SNTG1: variants seen among roughly 807,000 people sequenced by gnomAD.
The protein encoded by SNTG1 is gamma-1-syntrophin.
In SNTG1, 39 loss-of-function variants were observed where a neutral mutation model predicts 74.7. The ratio of observed to expected loss-of-function variants is 0.52; its 90% CI spans 0.40 to 0.68. SNTG1 has a LOEUF of 0.68. Ranked by LOEUF, SNTG1 falls within the 30% of genes least tolerant of loss-of-function variation. SNTG1 has a pLI of 0.00. For missense variants in SNTG1, 685 were observed against 609.5 expected, an observed-to-expected ratio of 1.12 and a Z score of -1.30; for synonymous variants, 254 against 217.1, an observed-to-expected ratio of 1.17 and a Z score of -1.49.
At chr8:50,493,103 G>A (rs565984315) in intron 8 of SNTG1, among the ~76,000 whole-genome samples, 12 of 152,170 alleles carry the variant, frequency 7.9e-5, no homozygotes, top group Non-Finnish European at 1.3e-4. Context: ...GGGAAAATTG[G>A]CTAGCCATAT....
At chr8:50,354,588 A>T (rs975961062) in intron 2 of SNTG1, among the ~76,000 whole-genome samples, 1 of 152,152 alleles carries the variant, frequency 6.6e-6, no homozygotes, top group Admixed American at 6.6e-5. Flanking sequence ...CTCTTCTGTT[A>T]TATTAGTTTT....
At chr8:50,415,451 C>T (rs2093002106) in intron 4 of SNTG1, among the ~76,000 whole-genome samples, 1 of 152,016 alleles carries the variant, frequency 6.6e-6, no homozygotes, top group African/African-American at 2.4e-5. Flanking sequence ...TAAATGTTTA[C>T]TTATACCTAT....
At chr8:50,550,001 T>C (rs910403520) in intron 11 of SNTG1, among the ~76,000 whole-genome samples, 3 of 152,216 alleles carry the variant, frequency 2.0e-5, no homozygotes, top group African/African-American at 7.2e-5. Flanking sequence ...AAATCCTTAT[T>C]AAATCTGTAA....
At chr8:50,618,711 A>T (rs1454146353) in intron 13 of SNTG1, among the ~76,000 whole-genome samples, 1 of 152,154 alleles carries the variant, frequency 6.6e-6, no homozygotes, top group Non-Finnish European at 1.5e-5. Context: ...TAGCTGTATG[A>T]CTGATGGCCC....
rs58030144 is a variant in SNTG1, at chr8:50,395,506, G to GGTTTTT, written c.27+1241_27+1242insGTTTTT. On this transcript the variant is annotated intron_variant, in intron 3 of 18. Coordinates refer to ENST00000642720, the MANE Select transcript of SNTG1 (RefSeq NM_018967.5). Reference sequence around the variant, plus strand: ...TTTAAATTTTAATTGTCTAATTTCTGTTTTTTTTTTTTTTTTTAATGGAGT... The same window carrying GGTTTTT: ...TTTAAATTTTAATTGTCTAATTTCTGGTTTTTTTTTTTTTTTTTTTTTTAATGGAGT... 2.7e-3 allele frequency among the ~76,000 whole-genome samples: 360 copies of GGTTTTT among 135,630 alleles called. 16 individuals are homozygous for GGTTTTT. The highest frequency in any genetic ancestry group is 2.9e-3 in the Admixed American group (39 of 13,238). 89.0% of individuals were successfully genotyped at this position (135,630 alleles called of 152,430 possible). A position where few individuals can be genotyped will look rare whatever the true frequency, so the allele number is the denominator to read the frequency against.
At chr8:50,481,094 C>A (rs1442801906) in intron 8 of SNTG1, among the ~76,000 whole-genome samples, 2 of 152,148 alleles carry the variant, frequency 1.3e-5, no homozygotes, top group Non-Finnish European at 2.9e-5. Flanking sequence ...GATAAACATA[C>A]AGCACAGGCT....
chr8:50,529,878 G>A (rs1032855207), intron 9 of SNTG1, among the ~76,000 whole-genome samples: 15 of 141,644 alleles, frequency 1.1e-4, no homozygotes, highest in African/African-American at 3.5e-4. Flanking sequence ...CTAAGAGCAG[G>A]CCACTTTAGA....
chr8:50,012,097 G>C (rs949553309), intron 1 of SNTG1, among the ~76,000 whole-genome samples: 1 of 151,706 alleles, frequency 6.6e-6, no homozygotes, highest in Non-Finnish European at 1.5e-5. Flanking sequence ...AAGTTGGCAA[G>C]AGATGAGTAA....
At chr8:50,654,795 T>C (rs1188347956) in intron 13 of SNTG1, among the ~76,000 whole-genome samples, 1 of 152,198 alleles carries the variant, frequency 6.6e-6, no homozygotes, top group East Asian at 1.9e-4. Flanking sequence ...ATCATCTCAA[T>C]GGCTTAAATC....
intron 4 of SNTG1, among the ~76,000 whole-genome samples, chr8:50,412,710 G>A (rs945537269): frequency 1.3e-5 from 2 of 152,158 alleles, no homozygotes; most frequent in African/African-American, 4.8e-5. Flanking sequence ...CGGGATATAT[G>A]TAATTTTGCA....
At chr8:50,602,622 T>C (rs1171475831) in intron 13 of SNTG1, among the ~76,000 whole-genome samples, 1 of 152,212 alleles carries the variant, frequency 6.6e-6, no homozygotes, top group Non-Finnish European at 1.5e-5. Flanking sequence ...GGTGATTTTT[T>C]CTTGTTCATT....
chr8:50,280,757 G>A (rs2088394614), intron 2 of SNTG1, among the ~76,000 whole-genome samples: 1 of 152,094 alleles, frequency 6.6e-6, no homozygotes, highest in Admixed American at 6.6e-5. Context: ...ATAAATTGTA[G>A]ATGAAGTCTC....
At chr8:50,623,397 A>AT (rs1404766163) in intron 13 of SNTG1, among the ~76,000 whole-genome samples, 4 of 152,152 alleles carry the variant, frequency 2.6e-5, no homozygotes, top group Admixed American at 2.0e-4. Flanking sequence ...AGGGTGTTGA[A>AT]TTTTTCAAAT....
intron 1 of SNTG1, among the ~76,000 whole-genome samples, chr8:49,944,620 C>T (rs1159616996): frequency 1.3e-5 from 2 of 148,792 alleles, no homozygotes; most frequent in Non-Finnish European, 3.0e-5. Context: ...GGAGATATAC[C>T]TAATGCTAAA....
intron 18 of SNTG1, among the ~76,000 whole-genome samples, chr8:50,752,386 C>T (rs2095569771): frequency 6.6e-6 from 1 of 151,924 alleles, no homozygotes. Context: ...AAATAACATC[C>T]TGGGAACTAA....
chr8:50,363,001 C>A (rs1365110078), intron 2 of SNTG1, among the ~76,000 whole-genome samples: 1 of 152,062 alleles, frequency 6.6e-6, no homozygotes, highest in Non-Finnish European at 1.5e-5. Flanking sequence ...CTCATGGCCT[C>A]TTCCTTTCTT....
chr8:50,105,520 C>T (rs140313267), intron 1 of SNTG1, among the ~76,000 whole-genome samples: 73 of 151,686 alleles, frequency 4.8e-4, no homozygotes, highest in African/African-American at 1.7e-3. Flanking sequence ...ATTGTTTTGG[C>T]TCTTTGGGCT....
At chr8:50,588,686 A>G (rs2094670666) in intron 12 of SNTG1, among the ~76,000 whole-genome samples, 1 of 152,170 alleles carries the variant, frequency 6.6e-6, no homozygotes, top group Non-Finnish European at 1.5e-5. Context: ...GATAACATAA[A>G]TTGTTCAAGT....
chr8:50,368,681 G>C (rs148818454), intron 2 of SNTG1, among the ~76,000 whole-genome samples: 2 of 152,068 alleles, frequency 1.3e-5, no homozygotes, highest in Admixed American at 6.6e-5. Flanking sequence ...CTATAGGACC[G>C]TCTGGTCCTA....
Sources: allele counts gnomAD v4.1 joint callset (sites outside exome capture counted in the v4.1 genomes callset), GRCh38; gene constraint gnomAD v4.1.1; transcripts MANE v1.5; gene names NCBI Gene and HGNC (gene_info 2026-07-23, HGNC 2026-07-21).